Variants in CTSD observed in about 807,000 individuals in gnomAD.
The protein encoded by CTSD is ceroid-lipofuscinosis, neuronal 10.
A neutral mutation model predicts 43.6 loss-of-function variants in CTSD; 28 were observed. The observed-to-expected ratio is 0.64, with a 90% CI of 0.48 to 0.88. The LOEUF is 0.88. CTSD is among the 40% of genes least tolerant of loss of function. The pLI is 0.00. For missense variants in CTSD, 485 were observed against 555.2 expected, an observed-to-expected ratio of 0.87 and a Z score of 1.27; for synonymous variants, 270 against 249.8, an observed-to-expected ratio of 1.08 and a Z score of -0.76.
intron 4 of CTSD, chr11:1,757,868 G>C: frequency 2.2e-6 from 1 of 448,856 alleles, no homozygotes; most frequent in South Asian, 2.1e-5. Context: ...ACCAATGACA[G>C]GCAGGTCCTG....
intron 2 of CTSD, 84 bp from the exon 3 acceptor site, chr11:1,759,723 G>A (rs1845852414): frequency 8.4e-6 from 12 of 1,431,022 alleles, no homozygotes; most frequent in Non-Finnish European, 1.0e-5. Flanking sequence ...TGTCCCCAGA[G>A]CCAAGGCCCA....
chr11:1,755,332 A>G, intron 5 of CTSD: 1 of 449,294 alleles, frequency 2.2e-6, no homozygotes, highest in South Asian at 2.1e-5. Context: ...AGCGGCAGAC[A>G]AGGAAGTGAG....
Position 1,753,648 on chromosome 11 carries a change from A to G in CTSD, c.1094T>C (p.Leu365Pro). ...TLKVSQAGKT[L>P]CLSGFMGMDI... ...CATGCCCATGAAGCCGCTCAGGCAG[A>G]GGGTCTTCCCGGCCTGCGACACCTG... is the stretch of plus-strand genomic sequence containing the variant. Residue 365 changes from leucine (L) to proline (P), a missense_variant, in exon 9 of 9, where the codon CTC becomes CCC. Leu to Pro is a moderately conservative substitution (Grantham distance 98). Transcript: ENST00000236671. The G allele has an allele frequency of 6.2e-7, 1 of 1,612,910 alleles. No individual in the cohort carries two copies. Among genetic ancestry groups the G allele is most frequent in the Non-Finnish European group, 8.5e-7 (1 of 1,179,858 alleles).
chr11:1,761,707 C>T lies in CTSD; in HGVS notation c.69-239G>A, dbSNP rs1265436840. On this transcript the variant is annotated intron_variant, in intron 1 of 8. Coordinates refer to ENST00000236671, the MANE Select transcript of CTSD (RefSeq NM_001909.5). ...TCCTAAGAAGTGGTCACCCGCCACC[C>T]ACCTCAGCCCCACACACCCAACCTG... 1.4e-5 allele frequency: 8 copies of T among 582,632 alleles called. No individual in the cohort carries two copies. In the African/African-American group the frequency reaches 1.5e-4, roughly 11 times the overall value. The allele number at this position is 582,632 out of a possible 1,614,324, so 36.1% of individuals were successfully genotyped here. A position where few individuals can be genotyped will look rare whatever the true frequency, so the allele number is the denominator to read the frequency against.
At chr11:1,758,867 G>C in intron 4 of CTSD, 102 bp downstream of exon 4, 1 of 887,550 alleles carries the variant, frequency 1.1e-6, no homozygotes, top group Non-Finnish European at 1.9e-6. Flanking sequence ...GCTGGGGTTG[G>C]GCTGGGATCA....
chr11:1,761,168 G>T, intron 2 of CTSD, 141 bp downstream of exon 2: 2 of 856,820 alleles, frequency 2.3e-6, no homozygotes, highest in South Asian at 1.4e-5. Context: ...AAGGAGTGTG[G>T]CTGAGCCGGG....
At chr11:1,762,390 C>T (rs1411312520) in intron 1 of CTSD, 1 of 152,236 alleles carries the variant, frequency 6.6e-6, no homozygotes, top group Non-Finnish European at 1.5e-5. Context: ...CACTGGCCTT[C>T]CCCTTGGTGT....
In CTSD at chr11:1,759,581, A is replaced by G; in HGVS notation, c.287T>C (p.Phe96Ser). Residue 96 changes from phenylalanine to serine, a missense_variant, in exon 3 of 9, where the codon TTC becomes TCC. Phe to Ser is a radical substitution (Grantham distance 155). Coordinates refer to ENST00000236671, the MANE Select transcript of CTSD (RefSeq NM_001909.5). ...CCACAGGTTGGAGGAGCCCGTGTCGAAGACGACTGTGAAGCACTGGGGGGG... is the reference window on the plus strand; with the variant it reads ...CCACAGGTTGGAGGAGCCCGTGTCGGAGACGACTGTGAAGCACTGGGGGGG... ...GTPPQCFTVVFDTGSSNLWVP... is the reference protein window; with the variant it reads ...GTPPQCFTVVSDTGSSNLWVP... 1 of 1,613,588 alleles carries G rather than the reference A, an allele frequency of 6.2e-7. No homozygotes were observed. Among genetic ancestry groups the G allele is most frequent in the Admixed American group, 1.7e-5 (1 of 60,028 alleles).
At chr11:1,755,522 C>T (rs1290212028) in intron 5 of CTSD, among the ~76,000 whole-genome samples, 1 of 152,206 alleles carries the variant, frequency 6.6e-6, no homozygotes, top group African/African-American at 2.4e-5. Flanking sequence ...GCCACGTCCG[C>T]TCATCTCCCC....
intron 1 of CTSD, among the ~76,000 whole-genome samples, chr11:1,763,261 G>A (rs2133668149): frequency 6.6e-6 from 1 of 152,272 alleles, no homozygotes; most frequent in East Asian, 1.9e-4. Flanking sequence ...TCCTCTCTCA[G>A]GGACATGGGA....
In CTSD at chr11:1,759,011, G is replaced by C. The variant is rs755085691; in HGVS notation, c.429C>G (p.Gly143=). The C allele has an allele frequency of 6.2e-7, 1 of 1,614,062 alleles. No homozygotes were observed. Among genetic ancestry groups the C allele is most frequent in the South Asian group, 1.1e-5 (1 of 91,078 alleles). Residue 143 remains glycine, a synonymous_variant, in exon 4 of 9, where the codon GGC becomes GGG. Coordinates refer to ENST00000236671, the MANE Select transcript of CTSD (RefSeq NM_001909.5). Reference sequence around the variant, plus strand: ...TCAGGTACCCGGAGAGGCTGCCCGAGCCATAGTGGATGTCAAACGAGGTAC... The same window carrying C: ...TCAGGTACCCGGAGAGGCTGCCCGACCCATAGTGGATGTCAAACGAGGTAC... The part of the protein sequence containing the change: ...KNGTSFDIHY[G]SGSLSGYLSQ...
rs1590907227 is a variant in CTSD at position 1,759,070 on chromosome 11, T to C, written c.370A>G (p.Asn124Asp). 2 of 1,613,934 alleles carry C rather than the reference T, an allele frequency of 1.2e-6. No individual in the cohort carries two copies. The highest frequency in any genetic ancestry group is 1.7e-5 in the Admixed American group (1 of 60,030). ...DIACWIHHKYNSDKSSTYVKN... is the reference protein window; with the variant it reads ...DIACWIHHKYDSDKSSTYVKN... ...ACGTAGGTGCTGGACTTGTCGCTGT[T>C]GTACTTGTGGTGGATCCCTGCCCCG... Residue 124 changes from asparagine (N) to aspartate (D), a missense_variant, in exon 4 of 9, where the codon AAC becomes GAC. Physicochemically the swap from Asn to Asp is conservative, Grantham distance 23. Coordinates refer to ENST00000236671, the MANE Select transcript of CTSD (RefSeq NM_001909.5).
rs147278302 is a variant in CTSD at position 1,754,122 on chromosome 11, C to T, written c.844G>A (p.Gly282Arg). 10,925 of 1,609,774 alleles carry T rather than the reference C, an allele frequency of 6.8e-3. 108 individuals are homozygous for T. Among genetic ancestry groups the T allele is most frequent in the Middle Eastern group, 0.023 (138 of 6,048 alleles). Residue 282 changes from glycine (G) to arginine (R), a missense_variant, in exon 7 of 9, where the codon GGG (glycine) becomes AGG (arginine). Gly to Arg is a moderately radical substitution (Grantham distance 125). Transcript: ENST00000236671. ...CAGCCCTCCTTGCACAGGGTCAGCC[C>T]GCTGGCCACCTCCACCCTGCGGGGA... ...VHLDQVEVAS[G>R]LTLCKEGCEA...
intron 1 of CTSD, 79 bp downstream of exon 1, chr11:1,763,713 C>A: frequency 3.0e-6 from 4 of 1,328,864 alleles, no homozygotes; most frequent in South Asian, 1.3e-5. Flanking sequence ...CACAGGGGAG[C>A]GCGAAAGTCA....
intron 5 of CTSD, among the ~76,000 whole-genome samples, chr11:1,756,289 T>C (rs1036071129): frequency 3.3e-5 from 5 of 152,202 alleles, no homozygotes; most frequent in African/African-American, 1.2e-4. Flanking sequence ...CTGCCTCCCC[T>C]GTGCCCCAAG....
At chr11:1,753,711 C>A (rs138305981) in intron 8 of CTSD, 41 bp from the exon 9 acceptor site, 2 of 1,610,348 alleles carry the variant, frequency 1.2e-6, no homozygotes, top group South Asian at 2.2e-5. Flanking sequence ...CCTAGCACCA[C>A]CCGCCCCCCC....
chr11:1,759,485 C>A, intron 3 of CTSD, 31 bp downstream of exon 3: 1 of 1,612,318 alleles, frequency 6.2e-7, no homozygotes, highest in Non-Finnish European at 8.5e-7. Context: ...AGGGCAGGAC[C>A]TGGGCGACGG....
At chr11:1,761,100 A>G in intron 2 of CTSD, 1 of 614,382 alleles carries the variant, frequency 1.6e-6, no homozygotes, top group Non-Finnish European at 2.9e-6. Flanking sequence ...AGGCCCTAGC[A>G]GGACCAAGAC....
intron 2 of CTSD, 44 bp downstream of exon 2, chr11:1,761,265 T>A (rs777461308): frequency 2.9e-5 from 47 of 1,610,934 alleles, no homozygotes; most frequent in Non-Finnish European, 4.0e-5. Flanking sequence ...GGAGCTCTCC[T>A]GACAGTGGCT....
Sources: allele counts gnomAD v4.1 joint callset (sites outside exome capture counted in the v4.1 genomes callset), GRCh38; gene constraint gnomAD v4.1.1; transcripts MANE v1.5; gene names NCBI Gene and HGNC (gene_info 2026-07-23, HGNC 2026-07-21).